KANK1: variants seen among roughly 807,000 people sequenced by gnomAD.
KANK1 encodes KN motif and ankyrin repeat domains 1, also known as KN motif and ankyrin repeat domain-containing protein 1.
Under a neutral mutation model 106.2 loss-of-function variants are expected in KANK1, and 109 were observed. That is an observed-to-expected ratio of 1.03 (90% CI 0.88 to 1.20). The LOEUF (loss-of-function observed/expected upper bound fraction) is 1.20. KANK1 is among the 50% of genes most tolerant of loss of function. KANK1 has a pLI of 0.00. For missense variants in KANK1, 2,399 were observed against 1,710.7 expected, an observed-to-expected ratio of 1.40 and a Z score of -7.10; for synonymous variants, 873 against 652.2, an observed-to-expected ratio of 1.34 and a Z score of -5.16.
chr9:624,688 A>G (rs995863665), intron 1 of KANK1, among the ~76,000 whole-genome samples: 1 of 152,028 alleles, frequency 6.6e-6, no homozygotes, highest in African/African-American at 2.4e-5. Context: ...AGTCCCAGCT[A>G]CTCGGGAGGC....
At chr9:725,188 G>C (rs1215226980) in intron 3 of KANK1, among the ~76,000 whole-genome samples, 1 of 152,136 alleles carries the variant, frequency 6.6e-6, no homozygotes, top group Non-Finnish European at 1.5e-5. Flanking sequence ...TTCTCGTTCA[G>C]CTCTGTGGCC....
At chr9:672,145 C>G (rs1815310857) in intron 1 of KANK1, among the ~76,000 whole-genome samples, 1 of 152,138 alleles carries the variant, frequency 6.6e-6, no homozygotes, top group South Asian at 2.1e-4. Flanking sequence ...CACAAGAGCC[C>G]TAGGGCTGAA....
chr9:621,206 G>T (rs1186160434), intron 1 of KANK1, among the ~76,000 whole-genome samples: 2 of 152,072 alleles, frequency 1.3e-5, no homozygotes, highest in Admixed American at 1.3e-4. Context: ...AAAACTGATA[G>T]CTATCACATA....
At chr9:510,406 T>A (rs1316524718) in intron 1 of KANK1, among the ~76,000 whole-genome samples, 1 of 152,220 alleles carries the variant, frequency 6.6e-6, no homozygotes, top group East Asian at 1.9e-4. Flanking sequence ...GGCAAAATTC[T>A]TACACATGAC....
intron 3 of KANK1, among the ~76,000 whole-genome samples, chr9:479,672 T>C (rs2058168933): frequency 6.6e-6 from 1 of 152,224 alleles, no homozygotes; most frequent in African/African-American, 2.4e-5. Context: ...TAAGAATATA[T>C]TTGATTTTTG....
At chr9:593,438 G>A (rs1464630539) in intron 1 of KANK1, among the ~76,000 whole-genome samples, 1 of 141,244 alleles carries the variant, frequency 7.1e-6, no homozygotes, top group African/African-American at 2.6e-5. Flanking sequence ...GGATATATTA[G>A]ATCTTTATAC....
intron 3 of KANK1, among the ~76,000 whole-genome samples, chr9:715,230 T>C (rs918375231): frequency 6.6e-6 from 1 of 152,122 alleles, no homozygotes; most frequent in African/African-American, 2.4e-5. Context: ...GGGAAGTCAT[T>C]TTAGAATAAA....
At chr9:509,959 C>G (rs559542272) in intron 1 of KANK1, among the ~76,000 whole-genome samples, 10 of 150,478 alleles carry the variant, frequency 6.6e-5, no homozygotes, top group Admixed American at 2.0e-4. Flanking sequence ...TGCCACTGCA[C>G]TCAGCTAATT....
upstream of KANK1, among the ~76,000 whole-genome samples, chr9:501,850 C>T (rs910920146): frequency 2.0e-5 from 3 of 152,164 alleles, no homozygotes; most frequent in Non-Finnish European, 2.9e-5. Context: ...CCCAGCCTCG[C>T]GAGAGTCTTT....
At chr9:561,178 A>C (rs1467116283) in intron 1 of KANK1, among the ~76,000 whole-genome samples, 3 of 152,176 alleles carry the variant, frequency 2.0e-5, no homozygotes, top group Non-Finnish European at 4.4e-5. Context: ...GTTAATTCTC[A>C]ACTTCAGGGG....
chr9:522,701 G>C (rs1179587348), intron 1 of KANK1, among the ~76,000 whole-genome samples: 1 of 151,574 alleles, frequency 6.6e-6, no homozygotes, highest in Non-Finnish European at 1.5e-5. Context: ...TTTTAAGTTG[G>C]TATTTTCTGA....
At chr9:701,185 C>A (rs542301882) in intron 2 of KANK1, among the ~76,000 whole-genome samples, 121 of 152,258 alleles carry the variant, frequency 7.9e-4, no homozygotes, top group Non-Finnish European at 1.6e-3. Flanking sequence ...ATGATCTTGG[C>A]TCACCACAAC....
At chr9:690,009 T>C (rs1819486194) in intron 2 of KANK1, among the ~76,000 whole-genome samples, 1 of 151,760 alleles carries the variant, frequency 6.6e-6, no homozygotes, top group South Asian at 2.1e-4. Context: ...TACAAGAGGC[T>C]GGGCACGGTG....
chr9:544,924 G>A (rs1484600943), intron 1 of KANK1, among the ~76,000 whole-genome samples: 2 of 152,162 alleles, frequency 1.3e-5, no homozygotes, highest in African/African-American at 4.8e-5. Flanking sequence ...GGTAGGTGAA[G>A]TGCTGGCTGG....
At chr9:704,009 C>G (rs940850703) in intron 2 of KANK1, among the ~76,000 whole-genome samples, 1 of 152,118 alleles carries the variant, frequency 6.6e-6, no homozygotes, top group African/African-American at 2.4e-5. Context: ...CCACTGTGCC[C>G]GGCCAAAACT....
Position 578,040 on chromosome 9 carries a change from G to A in KANK1, c.-84+73286G>A, listed in dbSNP as rs1010381425. ...TCACCTTGTAACCAGGTCACCCCTA[G>A]ATGTGATCACTTCCTCCACAAGAAC... On this transcript the variant is annotated intron_variant, in intron 1 of 11. Coordinates refer to ENST00000382297, the MANE Select transcript of KANK1 (RefSeq NM_015158.5). 2.0e-5 allele frequency among the ~76,000 whole-genome samples: 3 copies of A among 152,052 alleles called. No individual in the cohort carries two copies. The East Asian group carries it at 5.8e-4, about 29-fold the overall frequency.
chr9:593,543 T>C (rs1358851007), intron 1 of KANK1, among the ~76,000 whole-genome samples: 1 of 151,506 alleles, frequency 6.6e-6, no homozygotes, highest in East Asian at 1.9e-4. Context: ...CTGAAGCCTT[T>C]GTTTTTTGGC....
chr9:471,946 G>A (rs904186822), intron 2 of KANK1, among the ~76,000 whole-genome samples: 1 of 152,130 alleles, frequency 6.6e-6, no homozygotes, highest in Non-Finnish European at 1.5e-5. Context: ...CACAAGGACA[G>A]TAAGAATAAA....
chr9:607,111 C>T (rs1382476380), intron 1 of KANK1, among the ~76,000 whole-genome samples: 1 of 151,812 alleles, frequency 6.6e-6, no homozygotes, highest in Non-Finnish European at 1.5e-5. Flanking sequence ...CTCTCTTTCA[C>T]CTTCCTCAAT....
Sources: gnomAD v4.1 joint callset for allele counts (sites outside exome capture counted in the v4.1 genomes callset) on GRCh38, gnomAD v4.1.1 for gene constraint, MANE v1.5 for transcripts, NCBI Gene and HGNC (gene_info 2026-07-23, HGNC 2026-07-21) for gene names.